ZNF600: variants seen among roughly 807,000 people sequenced by gnomAD.
ZNF600 encodes zinc finger protein KR-ZNF1.
Under a neutral mutation model 7.3 loss-of-function variants are expected in ZNF600, and 4 were observed. That is an observed-to-expected ratio of 0.55 (90% confidence interval 0.27 to 1.25). The LOEUF (loss-of-function observed/expected upper bound fraction) is 1.25, where lower values mean the gene tolerates loss of function less well. Among genes scored for constraint, ZNF600 ranks in the 50% most tolerant of loss-of-function variants. The pLI, the probability that ZNF600 is intolerant of heterozygous loss-of-function variation, is 0.12. For missense variants in ZNF600, 911 were observed against 922.1 expected (o/e 0.99, Z 0.16); for synonymous variants, 290 against 308.9 (o/e 0.94, Z 0.64).
the ZNF600 span, among the ~76,000 whole-genome samples, chr19:52,831,669 AT>A: frequency 6.6e-6 from 1 of 151,286 alleles, no homozygotes; most frequent in Non-Finnish European, 1.5e-5. Context: ...CGCCCAGCTA[AT>A]TTTTTTTGTA....
At chr19:52,794,153 C>G in the ZNF600 span, among the ~76,000 whole-genome samples, 129,508 of 151,720 alleles carry the variant, frequency 0.85, 55,521 homozygotes, top group Middle Eastern at 0.89. Context: ...GGTTAAAGCC[C>G]TGAGATGAGA....
chr19:52,788,263 G>C (rs1267690386), upstream of ZNF600, among the ~76,000 whole-genome samples: 1 of 152,148 alleles, frequency 6.6e-6, no homozygotes, highest in African/African-American at 2.4e-5. Flanking sequence ...ACTCACAGAA[G>C]ACTGGCTACT....
rs149312227 is a variant in ZNF600, at chr19:52,779,660, T to G, written c.-19-753A>C. On this transcript the variant is annotated intron_variant, in intron 1 of 3. Transcript: ENST00000648973. ...AGAAGTCAAGCTGGGAACTGCTTAG[T>G]GAGCCAGACTCCCCTTCTATTCAAA... is the stretch of plus-strand genomic sequence containing the variant. 2.6e-3 allele frequency among the ~76,000 whole-genome samples: 389 copies of G among 152,332 alleles called. 2 individuals carry two copies. The highest frequency in any genetic ancestry group is 8.9e-3 in the African/African-American group (369 of 41,586).
At chr19:52,808,520 C>T in the ZNF600 span, among the ~76,000 whole-genome samples, 1 of 151,874 alleles carries the variant, frequency 6.6e-6, no homozygotes, top group Admixed American at 6.6e-5. Flanking sequence ...GTCTGTAATC[C>T]CAGCTACGCA....
At chr19:52,770,825 T>C (rs985128221) in intron 3 of ZNF600, among the ~76,000 whole-genome samples, 4 of 152,162 alleles carry the variant, frequency 2.6e-5, no homozygotes, top group African/African-American at 9.7e-5. Flanking sequence ...CTTTTAATTG[T>C]ATTTTTTCTT....
chr19:52,811,760 TCG>T, the ZNF600 span, among the ~76,000 whole-genome samples: 1 of 128,932 alleles, frequency 7.8e-6, no homozygotes, highest in Non-Finnish European at 1.7e-5. Context: ...GGGAGGGAGG[TCG>T]GGGGGGTCAG....
At chr19:52,777,599 A>G (rs138334559) in intron 2 of ZNF600, among the ~76,000 whole-genome samples, 1 of 152,264 alleles carries the variant, frequency 6.6e-6, no homozygotes, top group East Asian at 1.9e-4. Context: ...TGGGAGTCCA[A>G]GACAGGCAGA....
the ZNF600 span, among the ~76,000 whole-genome samples, chr19:52,819,828 C>G: frequency 1.2e-4 from 17 of 143,368 alleles, 1 homozygote; most frequent in Admixed American, 1.1e-3. Flanking sequence ...AAGAAAATCA[C>G]ACTAACATTT....
exon 4 of ZNF600, chr19:52,766,252 C>T (rs778275195): frequency 6.2e-7 from 1 of 1,614,158 alleles, no homozygotes; most frequent in South Asian, 1.1e-5. Flanking sequence ...TTGCTGCACT[C>T]ATTACACTTG....
the ZNF600 span, among the ~76,000 whole-genome samples, chr19:52,806,198 T>C: frequency 2.6e-5 from 4 of 152,140 alleles, no homozygotes; most frequent in African/African-American, 9.7e-5. Context: ...ACAGAATTTT[T>C]TTTTTCTTCT....
chr19:52,795,447 A>AATAT, the ZNF600 span, among the ~76,000 whole-genome samples: 1 of 90,366 alleles, frequency 1.1e-5, no homozygotes, highest in Admixed American at 1.0e-4. Flanking sequence ...TGGTTAAAAA[A>AATAT]ATATATATAT....
chr19:52,773,101 C>A (rs1270690834), intron 3 of ZNF600, among the ~76,000 whole-genome samples: 3 of 151,988 alleles, frequency 2.0e-5, no homozygotes, highest in African/African-American at 7.3e-5. Flanking sequence ...CTGGTATTTG[C>A]ATCCAGATCA....
chr19:52,785,480 C>T (rs2062756168), intron 1 of ZNF600, among the ~76,000 whole-genome samples: 1 of 151,980 alleles, frequency 6.6e-6, no homozygotes, highest in African/African-American at 2.4e-5. Flanking sequence ...AACTCCGGAC[C>T]TCAGGTGATC....
the ZNF600 span, among the ~76,000 whole-genome samples, chr19:52,824,493 G>T: frequency 2.6e-5 from 4 of 152,108 alleles, no homozygotes; most frequent in African/African-American, 9.7e-5. Flanking sequence ...AAATTAGCGA[G>T]GTGTGGTGGT....
At chr19:52,770,455 A>C (rs1358467031) in intron 3 of ZNF600, among the ~76,000 whole-genome samples, 1 of 152,180 alleles carries the variant, frequency 6.6e-6, no homozygotes, top group East Asian at 1.9e-4. Context: ...TAAATAAATA[A>C]ATAATTGACT....
chr19:52,815,427 G>A, the ZNF600 span, among the ~76,000 whole-genome samples: 1 of 145,718 alleles, frequency 6.9e-6, no homozygotes, highest in Non-Finnish European at 1.5e-5. Context: ...TGAAGCAGGA[G>A]ACACACTTGA....
the ZNF600 span, among the ~76,000 whole-genome samples, chr19:52,832,888 C>A: frequency 1.3e-5 from 2 of 152,208 alleles, no homozygotes; most frequent in South Asian, 4.2e-4. Flanking sequence ...TCTCCTGCCT[C>A]AGCCTCCTGA....
intron 1 of ZNF600, among the ~76,000 whole-genome samples, chr19:52,783,454 C>G (rs918635825): frequency 3.3e-5 from 5 of 152,148 alleles, no homozygotes; most frequent in Admixed American, 1.3e-4. Flanking sequence ...CTCCGCCTCC[C>G]GGGTTCATGT....
the ZNF600 span, chr19:52,809,778 C>T: frequency 2.0e-6 from 1 of 498,754 alleles, no homozygotes; most frequent in South Asian, 2.6e-5. Flanking sequence ...TCACTGCAGC[C>T]TGGGTGACAG....
Sources: allele counts gnomAD v4.1 joint callset (sites outside exome capture counted in the v4.1 genomes callset), GRCh38; gene constraint gnomAD v4.1.1; transcripts MANE v1.5; gene names NCBI Gene and HGNC (gene_info 2026-07-23, HGNC 2026-07-21).